NPLOC4: variants seen among roughly 807,000 people sequenced by gnomAD.
NPLOC4 encodes nuclear protein localization protein 4 homolog.
Under a neutral mutation model 80.6 loss-of-function variants are expected in NPLOC4, and 18 were observed. The observed-to-expected ratio is 0.22, with a 90% confidence interval of 0.15 to 0.33. The LOEUF (loss-of-function observed/expected upper bound fraction) is 0.33. Ranked by LOEUF, NPLOC4 falls within the 10% of genes least tolerant of loss-of-function variation. NPLOC4 has a pLI of 1.00. For synonymous variants in NPLOC4, 313 were observed against 301.5 expected (o/e 1.04, Z -0.39); for missense variants, 540 against 786.1 (o/e 0.69, Z 3.74).
At chr17:81,604,766 A>G in intron 7 of NPLOC4, 39 bp from the exon 8 acceptor site, 1 of 1,530,566 alleles carries the variant, frequency 6.5e-7, no homozygotes, top group Non-Finnish European at 8.9e-7. Flanking sequence ...AAAACATGCC[A>G]TCAAAAAGAA....
Position 81,577,503 on chromosome 17 carries a change from G to T in NPLOC4, c.1282-5415C>A, listed in dbSNP as rs1010430877. 2.0e-5 allele frequency among the ~76,000 whole-genome samples: 3 copies of T among 151,464 alleles called. No individual in the cohort carries two copies. The highest frequency in any genetic ancestry group is 7.3e-5 in the African/African-American group (3 of 41,166). On this transcript the variant is annotated intron_variant, in intron 12 of 16. Coordinates refer to ENST00000331134, the MANE Select transcript of NPLOC4 (RefSeq NM_017921.4). This position sits in a 1 kb window ranked among gnomAD's most constrained non-coding sequence, Gnocchi z 4.3. ...CACAGCTTGGCTCATCTACTTCCGGGTTAGCTCAACGCACTCTTCTCTTCT... is the reference window on the plus strand; with the variant it reads ...CACAGCTTGGCTCATCTACTTCCGGTTTAGCTCAACGCACTCTTCTCTTCT...
chr17:81,610,746 A>T (rs2035319627), intron 4 of NPLOC4, among the ~76,000 whole-genome samples: 1 of 36,744 alleles, frequency 2.7e-5, no homozygotes, highest in African/African-American at 6.7e-5. Context: ...AGGTCAGGAG[A>T]TCGAGACCAT....
intron 8 of NPLOC4, among the ~76,000 whole-genome samples, chr17:81,601,234 G>A (rs1190060091): frequency 6.6e-6 from 1 of 152,250 alleles, no homozygotes; most frequent in Non-Finnish European, 1.5e-5. Flanking sequence ...TTGAGTTACA[G>A]TAACTGGGCA....
intron 8 of NPLOC4, among the ~76,000 whole-genome samples, chr17:81,602,968 T>C (rs8067873): frequency 2.3e-5 from 3 of 128,092 alleles, no homozygotes; most frequent in Non-Finnish European, 4.8e-5. Context: ...TACACACATA[T>C]ATATACACAA....
At chr17:81,589,627 G>A (rs557154359) in intron 11 of NPLOC4, among the ~76,000 whole-genome samples, 123 of 151,940 alleles carry the variant, frequency 8.1e-4, no homozygotes, top group South Asian at 1.9e-3. Flanking sequence ...CTGCAGCTCC[G>A]CACACACTTG....
chr17:81,581,726 A>G lies in NPLOC4; in HGVS notation c.1281+7218T>C, dbSNP rs1418455698. 5.9e-5 allele frequency among the ~76,000 whole-genome samples: 9 copies of G among 152,356 alleles called. No individual in the cohort carries two copies. In the East Asian group the frequency reaches 1.7e-3, roughly 29 times the overall value. On this transcript the variant is annotated intron_variant, in intron 12 of 16. Coordinates refer to ENST00000331134, the MANE Select transcript of NPLOC4 (RefSeq NM_017921.4). ...AGGCACAGCTACAAAGCCAAGTCAG[A>G]TTCCAGACACTAGAGCCACTGTCCC...
chr17:81,598,604 T>C (rs778785789), intron 9 of NPLOC4, among the ~76,000 whole-genome samples: 3 of 152,230 alleles, frequency 2.0e-5, no homozygotes, highest in Admixed American at 6.5e-5. Flanking sequence ...TATGAGGATC[T>C]GAAACCTGTG....
In NPLOC4 at chr17:81,589,597, C is replaced by T. The variant is rs374709941; in HGVS notation, c.1121-493G>A. Among the ~76,000 whole-genome samples the T allele has an allele frequency of 1.5e-3, 227 of 151,692 alleles. 2 individuals are homozygous for T. The South Asian group carries it at 0.022, about 15-fold the overall frequency. On this transcript the variant is annotated intron_variant, in intron 11 of 16. Coordinates refer to ENST00000331134, the MANE Select transcript of NPLOC4 (RefSeq NM_017921.4). Reference sequence around the variant, plus strand: ...CCACAGCACAAGACCTAGCACAAGACCTAGCACAGTCAGGACACCCTGCAG... The same window carrying T: ...CCACAGCACAAGACCTAGCACAAGATCTAGCACAGTCAGGACACCCTGCAG...
rs762725507 is a variant in NPLOC4 at position 81,580,061 on chromosome 17, G to A, written c.1282-7973C>T. Among the ~76,000 whole-genome samples the A allele has an allele frequency of 4.6e-5, 7 of 152,034 alleles. No individual in the cohort carries two copies. Among genetic ancestry groups the A allele is most frequent in the Non-Finnish European group, 1.0e-4 (7 of 68,012 alleles). ...CTGCCTTCCAGGGCGCTATGCTCCT[G>A]CCCCTCCTCCCCAGCTCCTGCCTCC... is the stretch of plus-strand genomic sequence containing the variant. On this transcript the variant is annotated intron_variant, in intron 12 of 16. Coordinates refer to ENST00000331134, the MANE Select transcript of NPLOC4 (RefSeq NM_017921.4). This position sits in a 1 kb window ranked among gnomAD's most constrained non-coding sequence, Gnocchi z 4.4.
chr17:81,612,468 T>C (rs1250454195), intron 4 of NPLOC4, among the ~76,000 whole-genome samples: 5 of 152,202 alleles, frequency 3.3e-5, no homozygotes, highest in Admixed American at 6.5e-5. Flanking sequence ...TGCCGGCTAA[T>C]GGCTATGGCT....
chr17:81,585,506 T>G (rs982921030), intron 12 of NPLOC4, among the ~76,000 whole-genome samples: 5 of 150,146 alleles, frequency 3.3e-5, no homozygotes, highest in Admixed American at 1.3e-4. Flanking sequence ...TACTAAAAAT[T>G]TAAAAGTTAG....
At chr17:81,596,544 C>T (rs1176972648) in intron 10 of NPLOC4, among the ~76,000 whole-genome samples, 2 of 152,028 alleles carry the variant, frequency 1.3e-5, no homozygotes, top group African/African-American at 4.8e-5. Flanking sequence ...CCAACCTGTG[C>T]AACACAGCAA....
At chr17:81,591,061 A>C (rs1371667294) in intron 11 of NPLOC4, among the ~76,000 whole-genome samples, 1 of 152,192 alleles carries the variant, frequency 6.6e-6, no homozygotes, top group East Asian at 1.9e-4. Flanking sequence ...GAAAGAATGC[A>C]GGGCTCAGAG....
intron 12 of NPLOC4, among the ~76,000 whole-genome samples, chr17:81,579,321 T>C (rs1057127593): frequency 2.0e-5 from 3 of 152,212 alleles, no homozygotes; most frequent in Admixed American, 2.0e-4. Flanking sequence ...GAGATTGCAG[T>C]GAGCCAAGAT....
At chr17:81,620,564 C>T (rs1320527559) in intron 3 of NPLOC4, among the ~76,000 whole-genome samples, 1 of 152,138 alleles carries the variant, frequency 6.6e-6, no homozygotes, top group Non-Finnish European at 1.5e-5. Context: ...CAGTGGCTGC[C>T]AATGCCTTAT....
At chr17:81,591,326 T>G (rs888075935) in intron 11 of NPLOC4, among the ~76,000 whole-genome samples, 2 of 151,402 alleles carry the variant, frequency 1.3e-5, no homozygotes, top group Non-Finnish European at 2.9e-5. Context: ...TCCCAGCTAC[T>G]CAGGAGGCAG....
At chr17:81,566,976 C>T in intron 15 of NPLOC4, 1 of 174,396 alleles carries the variant, frequency 5.7e-6, no homozygotes, top group Non-Finnish European at 1.2e-5. Flanking sequence ...TGGAAGCTGG[C>T]CAAGCCTTCT....
In NPLOC4 at chr17:81,559,161, C is replaced by T; in HGVS notation, c.*98G>A. On this transcript the variant is annotated 3_prime_UTR_variant, in exon 17 of 17. Transcript: ENST00000331134. ...CCAGCCCCTTGTTCCTCCAGGGCTG[C>T]CCACTATGGGGCAGTTACAGGGAAC... is the stretch of plus-strand genomic sequence containing the variant. The T allele has an allele frequency of 7.4e-7, 1 of 1,349,734 alleles. No homozygotes were observed. Among genetic ancestry groups the T allele is most frequent in the Non-Finnish European group, 9.9e-7 (1 of 1,008,116 alleles). The allele number at this position is 1,349,734 out of a possible 1,614,324, so 83.6% of individuals were successfully genotyped here.
At chr17:81,564,119 A>ACACACACAAAG (rs1568114636) in intron 16 of NPLOC4, 1 of 164,534 alleles carries the variant, frequency 6.1e-6, no homozygotes. Context: ...CACACACACA[A>ACACACACAAAG]AGAGCAGGGC....
Sources: allele counts gnomAD v4.1 joint callset (sites outside exome capture counted in the v4.1 genomes callset), GRCh38; gene constraint gnomAD v4.1.1; non-coding constraint Gnocchi (gnomAD v3.1); transcripts MANE v1.5; gene names NCBI Gene and HGNC (gene_info 2026-07-23, HGNC 2026-07-21).